PLGRKT: variants seen among roughly 807,000 people sequenced by gnomAD.
The protein encoded by PLGRKT is plasminogen receptor with a C-terminal lysine.
Under a neutral mutation model 18.5 loss-of-function variants are expected in PLGRKT, and 22 were observed. The ratio of observed to expected loss-of-function variants is 1.19; its 90% CI spans 0.85 to 1.70. The LOEUF (loss-of-function observed/expected upper bound fraction) is 1.70, where lower values mean the gene tolerates loss of function less well. Among genes scored for constraint, PLGRKT ranks in the 40% most tolerant of loss-of-function variants. PLGRKT has a pLI of 0.00. For synonymous variants in PLGRKT, 72 were observed against 52.8 expected (o/e 1.36, Z -1.58); for missense variants, 235 against 174.4 (o/e 1.35, Z -1.96).
intron 3 of PLGRKT, among the ~76,000 whole-genome samples, chr9:5,426,418 C>G (rs1417183972): frequency 6.6e-6 from 1 of 152,086 alleles, no homozygotes; most frequent in Non-Finnish European, 1.5e-5. Flanking sequence ...GGGACACATT[C>G]AAGGAACAAA....
rs1464287231 is a variant in PLGRKT at position 5,382,990 on chromosome 9, CT to C, written c.82-21103del. Among the ~76,000 whole-genome samples the C allele has an allele frequency of 2.6e-5, 4 of 152,224 alleles. No homozygotes were observed. In the East Asian group the frequency reaches 7.7e-4, roughly 29 times the overall value. On this transcript the variant is annotated intron_variant, in intron 3 of 5. Transcript: ENST00000223864. ...AACTCCAGAAACCTAAGAATGTGAC[CT>C]TATTTGGAAGTCTTTGGGGGATATA... is the stretch of plus-strand genomic sequence containing the variant.
At chr9:5,417,957 G>A (rs1210899260) in intron 3 of PLGRKT, among the ~76,000 whole-genome samples, 1 of 152,208 alleles carries the variant, frequency 6.6e-6, no homozygotes, top group Non-Finnish European at 1.5e-5. Context: ...ACAAGGATTT[G>A]CAGGTTTAAT....
upstream of PLGRKT, among the ~76,000 whole-genome samples, chr9:5,438,287 G>C (rs1322398070): frequency 6.6e-6 from 1 of 152,196 alleles, no homozygotes; most frequent in Non-Finnish European, 1.5e-5. Context: ...AACCTCACCA[G>C]CAATTTCTAT....
intron 3 of PLGRKT, among the ~76,000 whole-genome samples, chr9:5,390,355 C>T (rs1344249125): frequency 6.6e-6 from 1 of 151,600 alleles, no homozygotes; most frequent in East Asian, 1.9e-4. Context: ...ATCAAGGTAG[C>T]CTCATGCTGG....
chr9:5,434,212 C>A (rs1455258879), intron 2 of PLGRKT, among the ~76,000 whole-genome samples: 4 of 149,040 alleles, frequency 2.7e-5, no homozygotes, highest in African/African-American at 7.5e-5. Flanking sequence ...AGGGGTGTCT[C>A]TGCCCAGCCA....
At chr9:5,377,993 T>G (rs1817664294) in intron 3 of PLGRKT, among the ~76,000 whole-genome samples, 1 of 152,146 alleles carries the variant, frequency 6.6e-6, no homozygotes, top group Non-Finnish European at 1.5e-5. Context: ...CTGGCAATTG[T>G]GGGGTTCTTC....
At chr9:5,370,872 G>T (rs1014652334) in intron 3 of PLGRKT, among the ~76,000 whole-genome samples, 2 of 152,138 alleles carry the variant, frequency 1.3e-5, no homozygotes, top group Non-Finnish European at 2.9e-5. Context: ...TATGTTAAAT[G>T]TTCAATGTCC....
intron 3 of PLGRKT, among the ~76,000 whole-genome samples, chr9:5,391,399 T>A (rs1386438476): frequency 1.3e-5 from 2 of 151,970 alleles, no homozygotes; most frequent in East Asian, 3.8e-4. Context: ...ACCTAGATTA[T>A]CGCAATATTT....
At chr9:5,410,124 T>C (rs1818334187) in intron 3 of PLGRKT, among the ~76,000 whole-genome samples, 1 of 152,244 alleles carries the variant, frequency 6.6e-6, no homozygotes, top group Non-Finnish European at 1.5e-5. Flanking sequence ...ATTGTACCTA[T>C]TCATTTTTCT....
chr9:5,369,359 T>C (rs1357971167), intron 3 of PLGRKT, among the ~76,000 whole-genome samples: 2 of 152,200 alleles, frequency 1.3e-5, no homozygotes, highest in Non-Finnish European at 2.9e-5. Flanking sequence ...TCACTGGTCA[T>C]TAGAGAAATG....
intron 3 of PLGRKT, among the ~76,000 whole-genome samples, chr9:5,386,834 C>T (rs926538317): frequency 2.0e-5 from 3 of 151,918 alleles, no homozygotes; most frequent in African/African-American, 7.3e-5. Context: ...AAATTAAGGT[C>T]ACACAGGAAC....
intron 3 of PLGRKT, among the ~76,000 whole-genome samples, chr9:5,412,116 C>A (rs1818377065): frequency 6.6e-6 from 1 of 152,018 alleles, no homozygotes; most frequent in South Asian, 2.1e-4. Context: ...ACAAACTGAC[C>A]AGTGAATTAG....
At chr9:5,405,175 A>T (rs1195033549) in intron 3 of PLGRKT, among the ~76,000 whole-genome samples, 1 of 152,246 alleles carries the variant, frequency 6.6e-6, no homozygotes, top group Non-Finnish European at 1.5e-5. Context: ...AAAAATGGCC[A>T]TACTGCCCAA....
rs910031647 is a variant in PLGRKT at position 5,418,047 on chromosome 9, C to T, written c.81+13850G>A. Among the ~76,000 whole-genome samples the T allele has an allele frequency of 2.6e-5, 4 of 152,064 alleles. No individual in the cohort carries two copies. The highest frequency in any genetic ancestry group is 4.4e-5 in the Non-Finnish European group (3 of 68,008). On this transcript the variant is annotated intron_variant, in intron 3 of 5. Coordinates refer to ENST00000223864, the MANE Select transcript of PLGRKT (RefSeq NM_018465.4). This position sits in a 1 kb window ranked among gnomAD's most constrained non-coding sequence, Gnocchi z 4.2. ...CATTGTACGCACTTGTGGAGTTTAA[C>T]GTCTAAGTAGAATATGTCTATCTCG...
At chr9:5,424,275 T>C (rs1033823214) in intron 3 of PLGRKT, among the ~76,000 whole-genome samples, 1 of 137,212 alleles carries the variant, frequency 7.3e-6, no homozygotes, top group Admixed American at 7.9e-5. Context: ...TCATATATTA[T>C]ATATAATATA....
At chr9:5,402,200 T>A (rs1818168017) in intron 3 of PLGRKT, among the ~76,000 whole-genome samples, 2 of 151,880 alleles carry the variant, frequency 1.3e-5, no homozygotes, top group Non-Finnish European at 2.9e-5. Flanking sequence ...TTATTTTGTT[T>A]GATTAGTGTC....
At chr9:5,368,953 C>G (rs942359509) in intron 3 of PLGRKT, among the ~76,000 whole-genome samples, 2 of 152,068 alleles carry the variant, frequency 1.3e-5, no homozygotes, top group Non-Finnish European at 2.9e-5. Context: ...CACAAAAATT[C>G]ACTCAAGATG....
chr9:5,420,553 G>C (rs1430000009), intron 3 of PLGRKT, among the ~76,000 whole-genome samples: 2 of 152,106 alleles, frequency 1.3e-5, no homozygotes, highest in African/African-American at 4.8e-5. Flanking sequence ...GGATCCAGGA[G>C]TTAAGTCATG....
At chr9:5,395,829 T>G (rs1423575154) in intron 3 of PLGRKT, among the ~76,000 whole-genome samples, 1 of 151,814 alleles carries the variant, frequency 6.6e-6, no homozygotes, top group Non-Finnish European at 1.5e-5. Flanking sequence ...AAGGTGGATT[T>G]TTTTTATTTG....
Sources: gnomAD v4.1 joint callset for allele counts (sites outside exome capture counted in the v4.1 genomes callset) on GRCh38, gnomAD v4.1.1 for gene constraint, Gnocchi (gnomAD v3.1) non-coding constraint, MANE v1.5 for transcripts, NCBI Gene and HGNC (gene_info 2026-07-23, HGNC 2026-07-21) for gene names.